The following FOCAD variants were observed in gnomAD, a reference collection of about 807,000 sequenced individuals.
The protein encoded by FOCAD is KIAA1797.
Under a neutral mutation model 225.6 loss-of-function variants are expected in FOCAD, and 198 were observed. The observed-to-expected ratio is 0.88, with a 90% confidence interval of 0.78 to 0.99. The LOEUF (loss-of-function observed/expected upper bound fraction) is 0.99. Ranked by LOEUF, FOCAD falls within the 50% of genes least tolerant of loss-of-function variation. The probability of loss-of-function intolerance (pLI) is 0.00; values close to 1 mark genes in which losing one functional copy is unlikely to be tolerated. For synonymous variants in FOCAD, 897 were observed against 755.0 expected, an observed-to-expected ratio of 1.19 and a Z score of -3.08; for missense variants, 2,713 against 2,123.6, an observed-to-expected ratio of 1.28 and a Z score of -5.46.
At chr9:20,899,641 A>G (rs1158349654) in intron 21 of FOCAD, among the ~76,000 whole-genome samples, 1 of 151,856 alleles carries the variant, frequency 6.6e-6, no homozygotes, top group Non-Finnish European at 1.5e-5. Context: ...TTTGAAATGT[A>G]TTTTGTTTTG....
At chr9:20,915,430 G>A (rs758732148) in intron 23 of FOCAD, among the ~76,000 whole-genome samples, 4 of 152,128 alleles carry the variant, frequency 2.6e-5, no homozygotes, top group Non-Finnish European at 5.9e-5. Context: ...AGGAAAGAAG[G>A]CATTCTAAGG....
At chr9:20,691,149 G>T (rs1223289381) in intron 1 of FOCAD, among the ~76,000 whole-genome samples, 2 of 152,054 alleles carry the variant, frequency 1.3e-5, no homozygotes, top group East Asian at 3.9e-4. Context: ...CACCACGTTG[G>T]CCAGACTGGT....
intron 4 of FOCAD, among the ~76,000 whole-genome samples, chr9:20,723,918 A>G (rs1418966478): frequency 6.6e-6 from 1 of 152,022 alleles, no homozygotes; most frequent in Non-Finnish European, 1.5e-5. Flanking sequence ...CAGGAAGCTT[A>G]CAGTCACGGT....
chr9:20,894,954 T>A (rs920443593), intron 21 of FOCAD, among the ~76,000 whole-genome samples: 1 of 152,116 alleles, frequency 6.6e-6, no homozygotes, highest in African/African-American at 2.4e-5. Context: ...GTTACAGTAC[T>A]GTGTTTTACG....
chr9:20,781,475 T>A (rs1252746365), intron 9 of FOCAD, among the ~76,000 whole-genome samples: 1 of 147,552 alleles, frequency 6.8e-6, no homozygotes, highest in African/African-American at 2.5e-5. Flanking sequence ...TTGTATTTTT[T>A]AAAAAATTCA....
At chr9:20,724,995 C>T (rs977135063) in intron 4 of FOCAD, among the ~76,000 whole-genome samples, 3 of 152,128 alleles carry the variant, frequency 2.0e-5, no homozygotes, top group African/African-American at 7.2e-5. Flanking sequence ...AAAGTGTAAC[C>T]CTGTCTCTAA....
intron 1 of FOCAD, among the ~76,000 whole-genome samples, chr9:20,695,581 C>T (rs1823303868): frequency 6.6e-6 from 1 of 152,132 alleles, no homozygotes; most frequent in Non-Finnish European, 1.5e-5. Flanking sequence ...GAACATTTGA[C>T]ATAAAGCTTG....
In FOCAD at chr9:20,717,801, G is replaced by A; in HGVS notation, c.65G>A (p.Gly22Asp). 6.2e-7 allele frequency: 1 copy of A among 1,611,380 alleles called. No individual in the cohort carries two copies. Among genetic ancestry groups the A allele is most frequent in the Non-Finnish European group, 8.5e-7 (1 of 1,178,796 alleles). ...PNSLIQSQAV[G>D]HLIAAVLKEN... ...ATTTTATTTCTTTTTAAGGCTGTGG[G>A]TCATCTTATTGCTGCAGTCCTAAAG... Residue 22 changes from glycine (G) to aspartate (D), a missense_variant, in exon 3 of 44, where the codon GGT becomes GAT. Gly to Asp is a moderately conservative substitution (Grantham distance 94, BLOSUM62 -1). Coordinates refer to ENST00000338382, the MANE Select transcript of FOCAD (RefSeq NM_001375567.1).
At chr9:20,756,391 C>T (rs541297482) in intron 5 of FOCAD, among the ~76,000 whole-genome samples, 20 of 152,206 alleles carry the variant, frequency 1.3e-4, no homozygotes, top group African/African-American at 4.8e-4. Flanking sequence ...ATCTAATGTA[C>T]TCTTCTGTTT....
chr9:20,838,937 T>G (rs1029198539), intron 15 of FOCAD, among the ~76,000 whole-genome samples: 1 of 152,138 alleles, frequency 6.6e-6, no homozygotes, highest in African/African-American at 2.4e-5. Flanking sequence ...ATTTAACGTA[T>G]GGATTGGTGG....
intron 1 of FOCAD, among the ~76,000 whole-genome samples, chr9:20,685,830 C>T (rs970868933): frequency 2.0e-5 from 3 of 152,164 alleles, no homozygotes; most frequent in African/African-American, 7.2e-5. Context: ...CTCCAGTTGA[C>T]GCCTGATAAC....
intron 1 of FOCAD, among the ~76,000 whole-genome samples, chr9:20,702,217 T>C (rs971152903): frequency 1.3e-5 from 2 of 152,084 alleles, no homozygotes; most frequent in African/African-American, 4.8e-5. Flanking sequence ...GTCCTCCCAC[T>C]GCAGCCTCCT....
chr9:20,971,439 T>A (rs542032183), intron 35 of FOCAD, among the ~76,000 whole-genome samples: 79 of 152,224 alleles, frequency 5.2e-4, no homozygotes, highest in Middle Eastern at 6.8e-3. Context: ...CATTTTTTTT[T>A]ATTTTTTTTG....
chr9:20,915,227 A>G (rs553168018), intron 23 of FOCAD, among the ~76,000 whole-genome samples: 9 of 152,270 alleles, frequency 5.9e-5, no homozygotes, highest in African/African-American at 2.2e-4. Flanking sequence ...CAGCATATTG[A>G]TGGCATTTAA....
intron 17 of FOCAD, 39 bp from the exon 18 acceptor site, chr9:20,866,888 CTT>C (rs10629839): frequency 7.8e-3 from 2,645 of 340,210 alleles, no homozygotes; most frequent in East Asian, 0.012. Context: ...TGTTTGCTTG[CTT>C]TTTTTTTTTT....
chr9:20,982,328 T>G, intron 38 of FOCAD, 29 bp from the exon 39 acceptor site: 1 of 1,482,638 alleles, frequency 6.7e-7, no homozygotes, highest in East Asian at 2.3e-5. Flanking sequence ...ACACTGTTTG[T>G]TGACATGTTT....
intron 15 of FOCAD, among the ~76,000 whole-genome samples, chr9:20,827,133 C>T (rs1824980209): frequency 6.6e-6 from 1 of 152,046 alleles, no homozygotes; most frequent in Non-Finnish European, 1.5e-5. Flanking sequence ...ACCATCATCA[C>T]AATCAATTTT....
At chr9:20,788,534 G>T (rs913198198) in intron 10 of FOCAD, among the ~76,000 whole-genome samples, 5 of 152,014 alleles carry the variant, frequency 3.3e-5, no homozygotes, top group Admixed American at 2.0e-4. Flanking sequence ...CCTTTCAATT[G>T]TTATCCTAAT....
At chr9:20,702,763 G>A (rs1315874105) in intron 1 of FOCAD, among the ~76,000 whole-genome samples, 2 of 152,140 alleles carry the variant, frequency 1.3e-5, no homozygotes, top group African/African-American at 2.4e-5. Context: ...TGTGGGAAAT[G>A]GAGTTAATAT....
Sources: allele counts gnomAD v4.1 joint callset (sites outside exome capture counted in the v4.1 genomes callset), GRCh38; gene constraint gnomAD v4.1.1; transcripts MANE v1.5; gene names NCBI Gene and HGNC (gene_info 2026-07-23, HGNC 2026-07-21).